PDXDC1: variants seen among roughly 807,000 people sequenced by gnomAD.
PDXDC1 encodes the protein pyridoxal-dependent decarboxylase domain-containing protein 1.
PDXDC1 carries 42 observed loss-of-function variants against 100.1 expected under a neutral mutation model. That is an observed-to-expected ratio of 0.42 (90% CI 0.33 to 0.54). The LOEUF is 0.54. PDXDC1 is among the 20% of genes least tolerant of loss of function. The pLI is 0.10. For missense variants in PDXDC1, 636 were observed against 979.2 expected, an observed-to-expected ratio of 0.65 and a Z score of 4.68; for synonymous variants, 260 against 371.7, an observed-to-expected ratio of 0.70 and a Z score of 3.46.
rs147383643 is a variant in PDXDC1, at chr16:15,080,138, A to C, written c.1399+50082A>C. 3.0e-5 allele frequency: 47 copies of C among 1,556,314 alleles called. No individual in the cohort carries two copies. The Admixed American group carries it at 9.8e-4, about 33-fold the overall frequency. On this transcript the variant is annotated intron_variant, in intron 16 of 16. Coordinates refer to the PDXDC1 transcript ENST00000535621. ...AAGATAAAACATTTCAACAGAGAAT[A>C]AACGTTTCACAGTTATGTAAGCAAA...
chr16:15,130,384 A>C (rs550507063), intron 16 of PDXDC1: 2 of 1,578,444 alleles, frequency 1.3e-6, no homozygotes, highest in African/African-American at 2.7e-5. Flanking sequence ...AGGCCCACGG[A>C]CACCTCCAGC....
chr16:15,084,580 T>A, intron 16 of PDXDC1: 7 of 1,191,092 alleles, frequency 5.9e-6, no homozygotes, highest in Admixed American at 2.0e-5. Context: ...TTTATAATTT[T>A]TACTAATTGA....
chr16:15,024,555 G>A (rs1270761447), intron 13 of PDXDC1, among the ~76,000 whole-genome samples: 4 of 152,230 alleles, frequency 2.6e-5, no homozygotes, highest in Admixed American at 1.3e-4. Flanking sequence ...TGGGGTTACA[G>A]GCGCATGCCA....
At chr16:15,063,266 T>G (rs752380964) in intron 16 of PDXDC1, 3 of 1,612,712 alleles carry the variant, frequency 1.9e-6, no homozygotes, top group African/African-American at 2.7e-5. Context: ...ATAAATAGGA[T>G]CAATGAATTT....
intron 16 of PDXDC1, among the ~76,000 whole-genome samples, chr16:15,090,967 G>T (rs1420529933): frequency 6.6e-6 from 1 of 150,486 alleles, no homozygotes; most frequent in East Asian, 2.0e-4. Flanking sequence ...TAGAAAGGAA[G>T]CATTAGAGCA....
intron 16 of PDXDC1, among the ~76,000 whole-genome samples, chr16:15,075,244 C>A (rs1358913859): frequency 6.8e-6 from 1 of 146,040 alleles, no homozygotes; most frequent in African/African-American, 2.5e-5. Context: ...AGACTCTGTG[C>A]CCCACCAAAA....
At chr16:15,094,346 C>T in intron 16 of PDXDC1, 10 of 1,000,554 alleles carry the variant, frequency 1.0e-5, no homozygotes, top group Admixed American at 2.4e-5. Context: ...CAATCAGCGG[C>T]CCCGCGTGGG....
intron 16 of PDXDC1, among the ~76,000 whole-genome samples, chr16:15,111,484 G>C (rs1167734664): frequency 2.7e-5 from 4 of 146,844 alleles, no homozygotes; most frequent in Non-Finnish European, 6.0e-5. Context: ...AATAGGCCAG[G>C]TGTGGTAGCT....
At chr16:14,993,827 T>C (rs1272911108) in intron 1 of PDXDC1, among the ~76,000 whole-genome samples, 6 of 152,296 alleles carry the variant, frequency 3.9e-5, no homozygotes, top group Non-Finnish European at 2.9e-5. Context: ...TTTTTAATGA[T>C]TGCCATTCTA....
chr16:15,020,518 G>C (rs186015483), intron 12 of PDXDC1, among the ~76,000 whole-genome samples: 542 of 151,976 alleles, frequency 3.6e-3, no homozygotes, highest in Non-Finnish European at 5.8e-3. Context: ...GTGAAACCCT[G>C]TCTCTAATAA....
intron 16 of PDXDC1, chr16:15,065,319 T>C: frequency 6.2e-7 from 1 of 1,613,808 alleles, no homozygotes; most frequent in Non-Finnish European, 8.5e-7. Flanking sequence ...ACTGGCAGCA[T>C]CTGGCGATTG....
intron 16 of PDXDC1, chr16:15,065,452 C>T: frequency 8.4e-7 from 1 of 1,188,484 alleles, no homozygotes; most frequent in East Asian, 2.4e-5. Context: ...CGTGTGACAA[C>T]TGTACCTACC....
chr16:15,092,834 C>A (rs2046190907), intron 16 of PDXDC1, among the ~76,000 whole-genome samples: 1 of 152,184 alleles, frequency 6.6e-6, no homozygotes, highest in Admixed American at 6.5e-5. Context: ...TCAGTGTGGT[C>A]TTTAAGATCC....
chr16:15,080,660 G>T (rs1291837387), intron 16 of PDXDC1, among the ~76,000 whole-genome samples: 2 of 152,072 alleles, frequency 1.3e-5, no homozygotes, highest in African/African-American at 4.8e-5. Flanking sequence ...TCAACTCCTG[G>T]ATCTTCCCAC....
intron 16 of PDXDC1, chr16:15,125,784 T>C (rs746606236): frequency 7.5e-6 from 11 of 1,464,624 alleles, no homozygotes; most frequent in Non-Finnish European, 6.6e-6. Context: ...GCCCGGCAGG[T>C]GTGGGGCTCG....
chr16:15,147,505 C>T, the PDXDC1 span, among the ~76,000 whole-genome samples: 134 of 152,280 alleles, frequency 8.8e-4, 1 homozygote, highest in Middle Eastern at 3.4e-3. Context: ...GTGGCCACCG[C>T]GGGGAGAGGG....
At chr16:15,083,670 T>C (rs1164948175) in intron 16 of PDXDC1, 18 of 1,563,528 alleles carry the variant, frequency 1.2e-5, no homozygotes, top group South Asian at 7.1e-5. Flanking sequence ...AAAGCAAATA[T>C]TGATAGACAT....
At chr16:15,056,593 T>C (rs1003642458) in intron 16 of PDXDC1, among the ~76,000 whole-genome samples, 1 of 151,854 alleles carries the variant, frequency 6.6e-6, no homozygotes, top group Non-Finnish European at 1.5e-5. Flanking sequence ...CTGGGCAACA[T>C]AGTGAGACCC....
intron 1 of PDXDC1, among the ~76,000 whole-genome samples, chr16:14,991,119 G>A (rs1173102073): frequency 5.3e-5 from 8 of 152,274 alleles, no homozygotes; most frequent in Non-Finnish European, 1.2e-4. Flanking sequence ...GATTCACCTG[G>A]GGATTGTGAA....
Sources: gnomAD v4.1 joint callset for allele counts (sites outside exome capture counted in the v4.1 genomes callset) on GRCh38, gnomAD v4.1.1 for gene constraint, MANE v1.5 for transcripts, NCBI Gene and HGNC (gene_info 2026-07-23, HGNC 2026-07-21) for gene names.